CYTH4: variants seen among roughly 807,000 people sequenced by gnomAD.
CYTH4 encodes the protein cytohesin 4, also known as cytohesin-4.
A neutral mutation model predicts 57.5 loss-of-function variants in CYTH4; 22 were observed. The observed-to-expected ratio is 0.38, with a 90% CI of 0.27 to 0.55. CYTH4 has a LOEUF of 0.55. CYTH4 is among the 20% of genes least tolerant of loss of function. CYTH4 has a pLI of 0.74. For missense variants in CYTH4, 420 were observed against 535.6 expected (o/e 0.78, Z 2.13); for synonymous variants, 186 against 206.5 (o/e 0.90, Z 0.85).
At chr22:37,291,785 G>A (rs1403501296) in intron 1 of CYTH4, among the ~76,000 whole-genome samples, 2 of 152,188 alleles carry the variant, frequency 1.3e-5, no homozygotes, top group African/African-American at 4.8e-5. Context: ...ATGAAGATAG[G>A]ACAGCTGACC....
In CYTH4 at chr22:37,301,259, G is replaced by A. The variant is rs543197310; in HGVS notation, c.547+240G>A. Among the ~76,000 whole-genome samples the A allele has an allele frequency of 4.0e-4, 61 of 152,324 alleles. 1 individual carries two copies. In the South Asian group the frequency reaches 0.012, roughly 29 times the overall value. On this transcript the variant is annotated intron_variant, in intron 7 of 12. Transcript: ENST00000248901. ...GATGGCACAGGATGCTAAGGCTAAG[G>A]CAGCAGCACCCCTTTCTGAGGGCAG...
intron 7 of CYTH4, among the ~76,000 whole-genome samples, chr22:37,302,333 C>T (rs1471922839): frequency 6.6e-6 from 1 of 152,224 alleles, no homozygotes; most frequent in African/African-American, 2.4e-5. Flanking sequence ...TCTTAAAGCA[C>T]CAGATTTGAA....
chr22:37,288,109 G>A (rs1181323552), intron 1 of CYTH4, among the ~76,000 whole-genome samples: 9 of 152,042 alleles, frequency 5.9e-5, no homozygotes, highest in East Asian at 1.9e-4. Flanking sequence ...TGAAACCCCC[G>A]TCTCTATTAA....
In CYTH4 at chr22:37,282,546, C is replaced by CCT. The variant is rs759011084; in HGVS notation, c.-24_-23insCT. The CCT allele has an allele frequency of 7.4e-6, 12 of 1,613,806 alleles. No homozygotes were observed. Among genetic ancestry groups the CCT allele is most frequent in the Non-Finnish European group, 8.5e-6 (10 of 1,179,910 alleles). On this transcript the variant is annotated 5_prime_UTR_variant, in exon 1 of 13. Coordinates refer to ENST00000248901, the MANE Select transcript of CYTH4 (RefSeq NM_013385.5). ...GTCGGCAAGCGACAGGAGCACGGGT[C>CCT]ATCTTTTCCCCAGAGGCGTCGGAAT...
chr22:37,300,020 CCA>C, intron 6 of CYTH4: 1 of 716,074 alleles, frequency 1.4e-6, no homozygotes, highest in South Asian at 1.5e-5. Flanking sequence ...TTCCTGTGCC[CCA>C]GTTTCCTCAT....
At position 37,305,076 on chromosome 22, in the gene CYTH4, C is replaced by G. The variant is rs190793338; in HGVS notation, c.696+1674C>G. On this transcript the variant is annotated intron_variant, in intron 8 of 12. Transcript: ENST00000248901. ...GGTGACTCATTTCATTTGGGGTCCT[C>G]GTGGTGCTATGCGGGCACACCTTGT... Among the ~76,000 whole-genome samples, 333 of 152,228 alleles carry G rather than the reference C, an allele frequency of 2.2e-3. 2 individuals are homozygous for G. The highest frequency in any genetic ancestry group is 7.5e-3 in the African/African-American group (313 of 41,520).
rs55679846 is a variant in CYTH4, at chr22:37,298,372, C to CA, written c.353+701dup. 0.065 allele frequency: 8,775 copies of CA among 135,446 alleles called. 254 individuals are homozygous for CA. Among genetic ancestry groups the CA allele is most frequent in the Middle Eastern group, 0.078 (20 of 258 alleles). The allele number at this position is 135,446 out of a possible 1,614,324, so 8.4% of individuals were successfully genotyped here. A position where few individuals can be genotyped will look rare whatever the true frequency, so the allele number is the denominator to read the frequency against. On this transcript the variant is annotated intron_variant, in intron 5 of 12. Coordinates refer to ENST00000248901, the MANE Select transcript of CYTH4 (RefSeq NM_013385.5). The surrounding 1 kb of genome is among the most constrained non-coding windows in gnomAD (Gnocchi z 4.1). ...ACAGATTGAGAACGAGACTCCGTCT[C>CA]AAAAAAAAAAAGAAAAGAAAAGAAA...
intron 1 of CYTH4, among the ~76,000 whole-genome samples, chr22:37,290,635 T>A (rs1278492221): frequency 6.6e-6 from 1 of 152,120 alleles, no homozygotes; most frequent in East Asian, 1.9e-4. Context: ...CCTCCTCCGG[T>A]GTACCTGGGA....
Position 37,299,244 on chromosome 22 carries a change from G to C in CYTH4, c.372G>C (p.Gln124His), listed in dbSNP as rs774510035. Residue 124 changes from glutamine (Q) to histidine (H), a missense_variant, in exon 6 of 13, where the codon CAG becomes CAC. Physicochemically the swap from Gln to His is conservative, Grantham distance 24 (BLOSUM62 0). Coordinates refer to ENST00000248901, the MANE Select transcript of CYTH4 (RefSeq NM_013385.5). ...CCCCCAGGGATCCCATCAACCTGCAGGTCCTCCAGGCCTTCGTGGACTGCC... is the reference window on the plus strand; with the variant it reads ...CCCCCAGGGATCCCATCAACCTGCACGTCCTCCAGGCCTTCGTGGACTGCC... ...YLGERDPINL[Q>H]VLQAFVDCHE... 4.3e-6 allele frequency: 7 copies of C among 1,612,204 alleles called. No homozygotes were observed. In the South Asian group the frequency reaches 4.4e-5, roughly 10 times the overall value.
chr22:37,307,335 C>G (rs556336700), intron 8 of CYTH4, among the ~76,000 whole-genome samples: 2 of 152,336 alleles, frequency 1.3e-5, no homozygotes, highest in Admixed American at 6.5e-5. Context: ...CGTCTGCCCC[C>G]CTGCACAGCT....
intron 8 of CYTH4, among the ~76,000 whole-genome samples, chr22:37,308,427 C>A (rs989239964): frequency 6.6e-6 from 1 of 151,286 alleles, no homozygotes; most frequent in African/African-American, 2.4e-5. Context: ...TGTATATGCA[C>A]GCAAGCGTGC....
rs936482965 is a variant in CYTH4, at chr22:37,312,089, G to A, written c.1027G>A (p.Gly343Ser). The A allele has an allele frequency of 1.5e-5, 24 of 1,614,060 alleles. No homozygotes were observed. Among genetic ancestry groups the A allele is most frequent in the Non-Finnish European group, 1.8e-5 (21 of 1,180,048 alleles). ...CAAGGCCTGCAAGACCGATGGCGAC[G>A]GCAGGGTGGTGGAGGGCAAGCACGA... is the stretch of plus-strand genomic sequence containing the variant. ...KIKACKTDGD[G>S]RVVEGKHESY... The change falls in exon 12 of 13, where the codon GGC becomes AGC. Residue 343 changes from glycine to serine, a missense_variant. Coordinates refer to ENST00000248901, the MANE Select transcript of CYTH4 (RefSeq NM_013385.5).
intron 4 of CYTH4, 117 bp from the exon 5 acceptor site, chr22:37,297,447 G>T (rs1338845687): frequency 7.0e-6 from 6 of 859,024 alleles, no homozygotes; most frequent in Non-Finnish European, 9.3e-6. Flanking sequence ...AACAGACTGT[G>T]CCAACACCAG....
chr22:37,288,569 G>A (rs1220556614), intron 1 of CYTH4, among the ~76,000 whole-genome samples: 2 of 145,736 alleles, frequency 1.4e-5, no homozygotes, highest in East Asian at 4.0e-4. Flanking sequence ...CTGGGTGACA[G>A]AGCAAGACTG....
chr22:37,293,196 C>T (rs1175581695), intron 2 of CYTH4, among the ~76,000 whole-genome samples: 1 of 152,250 alleles, frequency 6.6e-6, no homozygotes, highest in Admixed American at 6.5e-5. Flanking sequence ...CCTTTGCACT[C>T]GCAGTCCCCT....
chr22:37,290,362 G>T (rs1424091678), intron 1 of CYTH4, among the ~76,000 whole-genome samples: 1 of 152,128 alleles, frequency 6.6e-6, no homozygotes, highest in African/African-American at 2.4e-5. Flanking sequence ...GTGGAACCAG[G>T]GAGTCATTGC....
rs1929266594 is a variant in CYTH4 at position 37,303,394 on chromosome 22, C to A, written c.688C>A (p.Gln230Lys). Residue 230 changes from glutamine (Q) to lysine (K), a missense_variant, in exon 8 of 13, where the codon CAG (glutamine) becomes AAG (lysine). Coordinates refer to ENST00000248901, the MANE Select transcript of CYTH4 (RefSeq NM_013385.5). ...INNGSDLPEDQLRNLFDSIKS... is the reference protein window; with the variant it reads ...INNGSDLPEDKLRNLFDSIKS... ...CAATGGTAGCGACCTGCCCGAGGACCAGCTGCGGGTGAGAGAGGCGCAGCC... is the reference window on the plus strand; with the variant it reads ...CAATGGTAGCGACCTGCCCGAGGACAAGCTGCGGGTGAGAGAGGCGCAGCC... 3 of 1,613,368 alleles carry A rather than the reference C, an allele frequency of 1.9e-6. No individual in the cohort carries two copies. Among genetic ancestry groups the A allele is most frequent in the Non-Finnish European group, 2.5e-6 (3 of 1,179,738 alleles).
At chr22:37,304,668 C>G (rs1022027832) in intron 8 of CYTH4, among the ~76,000 whole-genome samples, 3 of 152,132 alleles carry the variant, frequency 2.0e-5, no homozygotes, top group Admixed American at 6.5e-5. Flanking sequence ...CACCCTTAAC[C>G]CACCTCTTGC....
rs1037284449 is a variant in CYTH4, at chr22:37,300,789, G to A, written c.435-118G>A. On this transcript the variant is annotated intron_variant, in intron 6 of 12. Coordinates refer to ENST00000248901, the MANE Select transcript of CYTH4 (RefSeq NM_013385.5). ...CACTTCCCCGTCAGCCCAGATGACA[G>A]TTGCAGATTCCCCCATTTACAGGAT... 4.6e-5 allele frequency: 37 copies of A among 800,872 alleles called. No homozygotes were observed. The Middle Eastern group carries it at 1.5e-3, about 32-fold the overall frequency. 49.6% of individuals were successfully genotyped at this position (800,872 alleles called of 1,614,324 possible).
Sources: allele counts gnomAD v4.1 joint callset (sites outside exome capture counted in the v4.1 genomes callset), GRCh38; gene constraint gnomAD v4.1.1; non-coding constraint Gnocchi (gnomAD v3.1); transcripts MANE v1.5; gene names NCBI Gene and HGNC (gene_info 2026-07-23, HGNC 2026-07-21).